MYO3B: variants seen among roughly 807,000 people sequenced by gnomAD.
The protein encoded by MYO3B is myosin-IIIb.
MYO3B carries 156 observed loss-of-function variants against 174.6 expected under a neutral mutation model. The observed-to-expected ratio is 0.89, with a 90% CI of 0.78 to 1.02. MYO3B has a LOEUF of 1.02. MYO3B is among the 50% of genes least tolerant of loss of function. MYO3B has a pLI of 0.00. For synonymous variants in MYO3B, 563 were observed against 569.1 expected, an observed-to-expected ratio of 0.99 and a Z score of 0.15; for missense variants, 1,632 against 1,639.4, an observed-to-expected ratio of 1.00 and a Z score of 0.08.
At chr2:170,557,060 G>A (rs1484456237) in intron 32 of MYO3B, among the ~76,000 whole-genome samples, 1 of 151,256 alleles carries the variant, frequency 6.6e-6, no homozygotes, top group African/African-American at 2.4e-5. Flanking sequence ...ACAGTCCTAC[G>A]TTAGATACGT....
intron 28 of MYO3B, among the ~76,000 whole-genome samples, chr2:170,508,689 A>T (rs1476684788): frequency 6.6e-6 from 1 of 152,224 alleles, no homozygotes; most frequent in Non-Finnish European, 1.5e-5. Context: ...AATATGACAC[A>T]TTGGAAATAA....
At chr2:170,640,859 C>T (rs983634753) in intron 32 of MYO3B, 2 of 149,914 alleles carry the variant, frequency 1.3e-5, no homozygotes, top group South Asian at 2.1e-4. Context: ...TTTACAGTGG[C>T]GAATAAAGTT....
chr2:170,621,106 C>T (rs1259661556), intron 32 of MYO3B, among the ~76,000 whole-genome samples: 3 of 152,078 alleles, frequency 2.0e-5, no homozygotes, highest in African/African-American at 7.2e-5. Context: ...CCAGGCTGGT[C>T]TCGAACTCCT....
chr2:170,190,552 C>T (rs1207929681), intron 1 of MYO3B, among the ~76,000 whole-genome samples: 1 of 151,970 alleles, frequency 6.6e-6, no homozygotes, highest in Non-Finnish European at 1.5e-5. Flanking sequence ...GCTGAGCTGG[C>T]ACCCAAGCCA....
intron 23 of MYO3B, among the ~76,000 whole-genome samples, chr2:170,446,701 C>A (rs181949428): frequency 3.2e-4 from 48 of 152,280 alleles, no homozygotes; most frequent in African/African-American, 7.9e-4. Flanking sequence ...TAAAGCTCGG[C>A]TCTGTAAGTG....
At chr2:170,282,638 G>GA (rs1339090161) in intron 7 of MYO3B, among the ~76,000 whole-genome samples, 1 of 151,732 alleles carries the variant, frequency 6.6e-6, no homozygotes, top group African/African-American at 2.4e-5. Context: ...CTAATTCTGT[G>GA]AAAAATGTCA....
At chr2:170,367,264 G>A (rs2094205918) in intron 8 of MYO3B, among the ~76,000 whole-genome samples, 1 of 152,202 alleles carries the variant, frequency 6.6e-6, no homozygotes, top group Non-Finnish European at 1.5e-5. Flanking sequence ...AAAAATGTGG[G>A]GAGGGTGACG....
In MYO3B at chr2:170,478,532, C is replaced by T. The variant is rs1281692255; in HGVS notation, c.3014+11821C>T. On this transcript the variant is annotated intron_variant, in intron 25 of 34. Coordinates refer to ENST00000408978, the MANE Select transcript of MYO3B (RefSeq NM_138995.5). ...TGTGGGGTGTTATTGTACACACACACACACACACACACACACACACACACA... is the reference window on the plus strand; with the variant it reads ...TGTGGGGTGTTATTGTACACACACATACACACACACACACACACACACACA... 4.5e-5 allele frequency among the ~76,000 whole-genome samples: 5 copies of T among 111,592 alleles called. No individual in the cohort carries two copies. In the East Asian group the frequency reaches 1.5e-3, roughly 33 times the overall value. The allele number at this position is 111,592 out of a possible 152,430, so 73.2% of individuals were successfully genotyped here. A position where few individuals can be genotyped will look rare whatever the true frequency, so the allele number is the denominator to read the frequency against.
chr2:170,592,980 C>A (rs1370361100), intron 32 of MYO3B, among the ~76,000 whole-genome samples: 2 of 151,324 alleles, frequency 1.3e-5, no homozygotes, highest in Non-Finnish European at 2.9e-5. Context: ...AGATTATATA[C>A]CTAAATAGGT....
chr2:170,581,838 T>C (rs1315861343), intron 32 of MYO3B, among the ~76,000 whole-genome samples: 2 of 152,206 alleles, frequency 1.3e-5, no homozygotes, highest in Non-Finnish European at 2.9e-5. Flanking sequence ...GATGATGGCA[T>C]ATGTTAATAA....
chr2:170,384,353 T>C (rs1033992815), intron 12 of MYO3B, among the ~76,000 whole-genome samples: 2 of 152,192 alleles, frequency 1.3e-5, no homozygotes, highest in Non-Finnish European at 2.9e-5. Context: ...TTTACCTTTC[T>C]AGCCTTCTAA....
At chr2:170,304,080 G>T (rs76502960) in intron 7 of MYO3B, among the ~76,000 whole-genome samples, 1 of 152,038 alleles carries the variant, frequency 6.6e-6, no homozygotes, top group South Asian at 2.1e-4. Context: ...CAAAGATTTG[G>T]TGCATATCAT....
chr2:170,623,621 T>C (rs1385586160), intron 32 of MYO3B, among the ~76,000 whole-genome samples: 6 of 152,230 alleles, frequency 3.9e-5, no homozygotes, highest in Non-Finnish European at 2.9e-5. Context: ...CCATTGCTTT[T>C]GGTGTTTTAG....
At chr2:170,644,966 G>A (rs1388079619) in intron 32 of MYO3B, among the ~76,000 whole-genome samples, 3 of 152,126 alleles carry the variant, frequency 2.0e-5, no homozygotes, top group Non-Finnish European at 4.4e-5. Flanking sequence ...GGGGGGAGGT[G>A]CAAAGATTCT....
At chr2:170,603,693 A>T (rs1004999826) in intron 32 of MYO3B, among the ~76,000 whole-genome samples, 1 of 152,240 alleles carries the variant, frequency 6.6e-6, no homozygotes, top group South Asian at 2.1e-4. Flanking sequence ...GTTTTGTGTA[A>T]TCATTCAAGA....
At position 170,514,966 on chromosome 2, in the gene MYO3B, CA is replaced by C; in HGVS notation, c.3417del (p.Gly1140ValfsTer96). The C allele has an allele frequency of 6.2e-7, 1 of 1,614,014 alleles. No individual in the cohort carries two copies. Among genetic ancestry groups the C allele is most frequent in the South Asian group, 1.1e-5 (1 of 91,040 alleles). ...AGTGGGCCACATTCCCCCGTCGCAG[CA>C]GGTACGAGGGGAAGTGCCGAGGTTC... ...QSSGPHSPVAAGTRGSAEVQD... is the reference protein window; with the variant it reads ...QSSGPHSPVAXGTRGSAEVQD... On this transcript the variant is annotated frameshift_variant, in exon 29 of 35. Transcript: ENST00000408978. LOFTEE classifies it high-confidence loss of function.
At chr2:170,642,648 G>C (rs953234652) in intron 32 of MYO3B, among the ~76,000 whole-genome samples, 1 of 152,130 alleles carries the variant, frequency 6.6e-6, no homozygotes, top group African/African-American at 2.4e-5. Context: ...TAGGCCCTGG[G>C]ATTTTGAATC....
intron 28 of MYO3B, among the ~76,000 whole-genome samples, chr2:170,505,396 A>G (rs1243823066): frequency 6.6e-6 from 1 of 152,216 alleles, no homozygotes; most frequent in Non-Finnish European, 1.5e-5. Flanking sequence ...ATGCCAAATA[A>G]TTAAAATACA....
chr2:170,502,604 TGCGG>T (rs1305437806), intron 28 of MYO3B, among the ~76,000 whole-genome samples: 1 of 2,948 alleles, frequency 3.4e-4, no homozygotes, highest in Non-Finnish European at 0.021. Flanking sequence ...CCACTGTGGG[TGCGG>T]GTGCCAGGCT....
Sources: gnomAD v4.1 joint callset for allele counts (sites outside exome capture counted in the v4.1 genomes callset) on GRCh38, gnomAD v4.1.1 for gene constraint, MANE v1.5 for transcripts, NCBI Gene and HGNC (gene_info 2026-07-23, HGNC 2026-07-21) for gene names.